The following DHX8 variants were observed in gnomAD, a reference collection of about 807,000 sequenced individuals.
DHX8 encodes the protein DEAH-box helicase 8, also known as ATP-dependent RNA helicase DHX8.
DHX8 carries 67 observed loss-of-function variants against 140.7 expected under a neutral mutation model. That is an observed-to-expected ratio of 0.48 (90% CI 0.39 to 0.58). The LOEUF is 0.58. Ranked by LOEUF, DHX8 falls within the 20% of genes least tolerant of loss-of-function variation. The pLI is 0.00. For synonymous variants in DHX8, 533 were observed against 553.2 expected (o/e 0.96, Z 0.51); for missense variants, 887 against 1,550.7 (o/e 0.57, Z 7.19).
chr17:43,502,205 T>G (rs1453105132), intron 11 of DHX8, among the ~76,000 whole-genome samples: 1 of 151,998 alleles, frequency 6.6e-6, no homozygotes, highest in Non-Finnish European at 1.5e-5. Flanking sequence ...GAGACAGAAG[T>G]TTGGGAATTG....
Position 43,508,322 on chromosome 17 carries a change from T to C in DHX8, c.2321-17T>C, listed in dbSNP as rs569374140. On this transcript the variant is annotated splice_polypyrimidine_tract_variant and intron_variant, in intron 15 of 22. Coordinates refer to ENST00000262415, the MANE Select transcript of DHX8 (RefSeq NM_004941.3). ...TACACACACAGAAAGTAGATGAATG[T>C]TCTATTCTGCTCGTAGGTGATATCC... The C allele has an allele frequency of 6.2e-7, 1 of 1,603,700 alleles. No homozygotes were observed. The highest frequency in any genetic ancestry group is 1.7e-5 in the Admixed American group (1 of 58,766).
Position 43,493,923 on chromosome 17 carries a change from C to T in DHX8, c.1212+37C>T, listed in dbSNP as rs532568125. Reference sequence around the variant, plus strand: ...TAGTTTTCATGACCAGATAGTCATTCAGCATGTAGCATGGTGCTTAGGGGT... The same window carrying T: ...TAGTTTTCATGACCAGATAGTCATTTAGCATGTAGCATGGTGCTTAGGGGT... On this transcript the variant is annotated intron_variant, in intron 8 of 22. Transcript: ENST00000262415. The T allele has an allele frequency of 1.9e-6, 3 of 1,607,324 alleles. No individual in the cohort carries two copies. The African/African-American group carries it at 4.0e-5, about 21-fold the overall frequency.
Position 43,507,033 on chromosome 17 carries a change from A to G in DHX8, c.1759A>G (p.Ile587Val). 6 of 1,611,036 alleles carry G rather than the reference A, an allele frequency of 3.7e-6. No homozygotes were observed. Among genetic ancestry groups the G allele is most frequent in the Non-Finnish European group, 5.1e-6 (6 of 1,178,952 alleles). The change falls in exon 13 of 23, where the codon ATT (isoleucine) becomes GTT (valine). Residue 587 changes from isoleucine (I) to valine (V), a missense_variant. Coordinates refer to ENST00000262415, the MANE Select transcript of DHX8 (RefSeq NM_004941.3). The part of the protein sequence containing the change: ...AVHDNQILIV[I>V]GETGSGKTTQ... ...CCATGACAATCAGATCCTGATTGTC[A>G]TTGGTGAGACAGGATCTGGAAAGAC...
Position 43,524,224 on chromosome 17 carries a change from G to T in DHX8, c.*377G>T. 9.1e-7 allele frequency: 1 copy of T among 1,103,924 alleles called. No individual in the cohort carries two copies. The highest frequency in any genetic ancestry group is 2.5e-5 in the South Asian group (1 of 39,526). The allele number at this position is 1,103,924 out of a possible 1,614,324, so 68.4% of individuals were successfully genotyped here. A position where few individuals can be genotyped will look rare whatever the true frequency, so the allele number is the denominator to read the frequency against. On this transcript the variant is annotated 3_prime_UTR_variant, in exon 23 of 23. Transcript: ENST00000262415. Reference sequence around the variant, plus strand: ...TGCCCCAGCTAGCAGGAGCTACTGTGCTCATCTAAAGTGTTTGCCCCACTT... The same window carrying T: ...TGCCCCAGCTAGCAGGAGCTACTGTTCTCATCTAAAGTGTTTGCCCCACTT...
intron 17 of DHX8, 138 bp from the exon 18 acceptor site, chr17:43,517,026 GAAA>G: frequency 1.1e-6 from 1 of 887,458 alleles, no homozygotes; most frequent in Non-Finnish European, 1.6e-6. Context: ...GGTAGTCTTG[GAAA>G]TGGTCCCAAA....
At chr17:43,487,102 A>G (rs935944987) in intron 1 of DHX8, among the ~76,000 whole-genome samples, 4 of 152,170 alleles carry the variant, frequency 2.6e-5, no homozygotes, top group Non-Finnish European at 5.9e-5. Flanking sequence ...CAGCTTCCTC[A>G]TTGTAAAACA....
At chr17:43,526,525 T>TA, downstream of DHX8, 1 of 1,535,692 alleles carries the variant, frequency 6.5e-7, no homozygotes, top group Non-Finnish European at 8.7e-7. Context: ...GTGGTTGCTG[T>TA]AGCTGTCTCA....
rs148174034 is a variant in DHX8, at chr17:43,507,667, G to A, written c.2088G>A (p.Val696=). Residue 696 remains valine (V), a synonymous_variant, in exon 14 of 23, where the codon GTG becomes GTA. Coordinates refer to ENST00000262415, the MANE Select transcript of DHX8 (RefSeq NM_004941.3). ...ATGAGAGGACAATTCACACTGATGT[G>A]CTCTTTGGATTGTTGAAAAAGGTAA... ...EAHERTIHTD[V]LFGLLKKTVQ... is the part of the protein sequence containing the mutation. 21 of 1,614,144 alleles carry A rather than the reference G, an allele frequency of 1.3e-5. No homozygotes were observed. In the African/African-American group the frequency reaches 2.4e-4, roughly 18 times the overall value.
chr17:43,486,752 C>T (rs1159490806), intron 1 of DHX8, among the ~76,000 whole-genome samples: 1 of 151,860 alleles, frequency 6.6e-6, no homozygotes, highest in East Asian at 1.9e-4. Context: ...GTGGTGCACG[C>T]CTGTAATCCT....
chr17:43,518,969 T>C (rs537138335), intron 18 of DHX8: 1 of 152,388 alleles, frequency 6.6e-6, no homozygotes, highest in South Asian at 2.1e-4. Context: ...TATTCTGTTG[T>C]ATGTATATAC....
At chr17:43,508,151 C>G in intron 15 of DHX8, 132 bp downstream of exon 15, 8 of 1,139,542 alleles carry the variant, frequency 7.0e-6, no homozygotes, top group Non-Finnish European at 9.8e-6. Context: ...CTGCAAGCCT[C>G]AGGCTTGTAT....
downstream of DHX8, chr17:43,530,408 G>A (rs1351080050): frequency 1.4e-5 from 20 of 1,420,788 alleles, no homozygotes; most frequent in Non-Finnish European, 1.8e-5. Context: ...CTGAGGCCAT[G>A]GAAGGCAGCA....
intron 8 of DHX8, among the ~76,000 whole-genome samples, chr17:43,495,736 G>A (rs1349531943): frequency 6.6e-6 from 1 of 152,074 alleles, no homozygotes; most frequent in African/African-American, 2.4e-5. Flanking sequence ...TTGAGCTCCC[G>A]ATATCGTGGG....
intron 9 of DHX8, among the ~76,000 whole-genome samples, chr17:43,496,540 G>A (rs1968870730): frequency 6.6e-6 from 1 of 152,180 alleles, no homozygotes; most frequent in Non-Finnish European, 1.5e-5. Flanking sequence ...CACTTTGGGA[G>A]GCCGAGGCCA....
Position 43,493,851 on chromosome 17 carries a change from C to T in DHX8, c.1177C>T (p.Arg393Ter), listed in dbSNP as rs761931306. The change falls in exon 8 of 23, where the codon CGA (arginine) becomes TGA (stop). Residue 393 changes from arginine (R) to a stop codon, truncating the protein, a stop_gained. Coordinates refer to ENST00000262415, the MANE Select transcript of DHX8 (RefSeq NM_004941.3). LOFTEE classifies it high-confidence loss of function. ...CTCACTGGAACGCAAGCGCCTCACC[C>T]GAATCTCTGACCCAGAGAAGTGGGA... ...DDSLERKRLT[R>*]ISDPEKWEIK... The T allele has an allele frequency of 6.8e-6, 11 of 1,614,074 alleles. No homozygotes were observed. The highest frequency in any genetic ancestry group is 2.7e-5 in the African/African-American group (2 of 74,922).
downstream of DHX8, chr17:43,530,292 T>C (rs1598194364): frequency 9.2e-6 from 14 of 1,514,092 alleles, no homozygotes; most frequent in East Asian, 3.2e-4. Flanking sequence ...GCCTGCTTCC[T>C]GGTGACTGTT....
intron 2 of DHX8, chr17:43,533,398 ATCTTTGAACCC>A (rs1971067447): frequency 6.5e-7 from 1 of 1,539,298 alleles, no homozygotes; most frequent in Non-Finnish European, 8.9e-7. Flanking sequence ...GCTGGAAAGC[ATCTTTGAACCC>A]TTCATTCCTA....
At chr17:43,514,471 C>T (rs1182937235) in intron 17 of DHX8, among the ~76,000 whole-genome samples, 3 of 151,954 alleles carry the variant, frequency 2.0e-5, no homozygotes, top group Non-Finnish European at 2.9e-5. Context: ...TGCTTAGCTA[C>T]GAGATAGATA....
intron 2 of DHX8, chr17:43,533,471 G>A: frequency 1.1e-6 from 1 of 932,434 alleles, no homozygotes; most frequent in Non-Finnish European, 1.6e-6. Flanking sequence ...AGGGGGCTGA[G>A]AAGGGAACGG....
Sources: gnomAD v4.1 joint callset for allele counts (sites outside exome capture counted in the v4.1 genomes callset) on GRCh38, gnomAD v4.1.1 for gene constraint, MANE v1.5 for transcripts, NCBI Gene and HGNC (gene_info 2026-07-23, HGNC 2026-07-21) for gene names.